Variants in ZFHX3 observed in about 807,000 individuals in gnomAD.
ZFHX3 encodes the protein zinc finger homeobox protein 3.
In ZFHX3, 42 loss-of-function variants were observed where a neutral mutation model predicts 279.1. The ratio of observed to expected loss-of-function variants is 0.15; its 90% CI spans 0.12 to 0.19. The LOEUF (loss-of-function observed/expected upper bound fraction) is 0.19. ZFHX3 is among the 10% of genes least tolerant of loss of function. The pLI is 1.00. For synonymous variants in ZFHX3, 2,293 were observed against 1,957.8 expected (o/e 1.17, Z -4.52); for missense variants, 4,981 against 4,754.0 (o/e 1.05, Z -1.40).
chr16:73,539,572 G>A (rs1018578862), intron 2 of ZFHX3, among the ~76,000 whole-genome samples: 1 of 150,464 alleles, frequency 6.6e-6, no homozygotes, highest in Non-Finnish European at 1.5e-5. Context: ...CAGCATGCCA[G>A]CAACACCGTG....
intron 3 of ZFHX3, among the ~76,000 whole-genome samples, chr16:72,925,669 G>A (rs964145095): frequency 4.6e-5 from 7 of 152,354 alleles, no homozygotes; most frequent in South Asian, 2.1e-4. Flanking sequence ...AGGAATGAAT[G>A]AAAGCAAATG....
intron 2 of ZFHX3, among the ~76,000 whole-genome samples, chr16:73,498,984 T>C (rs2143660838): frequency 6.6e-6 from 1 of 152,270 alleles, no homozygotes; most frequent in East Asian, 1.9e-4. Context: ...CCATAACCCA[T>C]TCCCCAAAAT....
At chr16:72,944,534 G>A (rs1167942974) in intron 3 of ZFHX3, among the ~76,000 whole-genome samples, 2 of 152,044 alleles carry the variant, frequency 1.3e-5, no homozygotes, top group East Asian at 3.9e-4. Context: ...AAAGGTCTCA[G>A]GTATTACACA....
intron 4 of ZFHX3, among the ~76,000 whole-genome samples, chr16:72,831,745 A>C (rs1465493816): frequency 5.9e-5 from 9 of 152,214 alleles, no homozygotes; most frequent in Non-Finnish European, 7.3e-5. Context: ...GCGGTCAATG[A>C]ATATTATTGC....
chr16:73,120,769 C>T (rs1328744644), intron 7 of ZFHX3, among the ~76,000 whole-genome samples: 1 of 150,660 alleles, frequency 6.6e-6, no homozygotes, highest in Admixed American at 6.6e-5. Flanking sequence ...ATTCTCCTAC[C>T]TCAACCTCCC....
At position 72,787,078 on chromosome 16, in the gene ZFHX3, G is replaced by T; in HGVS notation, c.*86C>A. 1.7e-6 allele frequency: 2 copies of T among 1,175,312 alleles called. No individual in the cohort carries two copies. The highest frequency in any genetic ancestry group is 2.2e-6 in the Non-Finnish European group (2 of 908,440). The allele number at this position is 1,175,312 out of a possible 1,614,324, so 72.8% of individuals were successfully genotyped here. A position where few individuals can be genotyped will look rare whatever the true frequency, so the allele number is the denominator to read the frequency against. ...TTTTGTTTTTTGGTTAGAAGCTTTGGAATTGCAGTTAGTCTATTTTTGAAA... is the reference window on the plus strand; with the variant it reads ...TTTTGTTTTTTGGTTAGAAGCTTTGTAATTGCAGTTAGTCTATTTTTGAAA... On this transcript the variant is annotated 3_prime_UTR_variant, in exon 10 of 10. Transcript: ENST00000268489.
intron 1 of ZFHX3, among the ~76,000 whole-genome samples, chr16:73,045,970 A>T (rs1032906305): frequency 1.3e-5 from 2 of 152,204 alleles, no homozygotes; most frequent in Admixed American, 6.5e-5. Flanking sequence ...ATTAAATAAA[A>T]GAGCCAACTG....
At chr16:73,141,986 C>T (rs564624853) in intron 6 of ZFHX3, among the ~76,000 whole-genome samples, 1 of 152,268 alleles carries the variant, frequency 6.6e-6, no homozygotes, top group Non-Finnish European at 1.5e-5. Flanking sequence ...TTCAACCAGC[C>T]CCTGTTGAGC....
chr16:73,646,091 A>AT (rs1156845709), intron 2 of ZFHX3, among the ~76,000 whole-genome samples: 1 of 152,218 alleles, frequency 6.6e-6, no homozygotes, highest in Non-Finnish European at 1.5e-5. Flanking sequence ...ATTGATCAAA[A>AT]TTTTCTCAGA....
intron 4 of ZFHX3, among the ~76,000 whole-genome samples, chr16:73,283,753 G>A (rs936989049): frequency 2.6e-5 from 4 of 152,164 alleles, no homozygotes; most frequent in Admixed American, 2.0e-4. Flanking sequence ...TTACCAGCCT[G>A]GGCAACATAG....
At chr16:73,448,921 C>T (rs941079038) in intron 3 of ZFHX3, among the ~76,000 whole-genome samples, 2 of 152,000 alleles carry the variant, frequency 1.3e-5, no homozygotes, top group Non-Finnish European at 2.9e-5. Flanking sequence ...TTAGATAAGC[C>T]ACAGTCTTTT....
intron 5 of ZFHX3, among the ~76,000 whole-genome samples, chr16:73,238,592 A>C (rs1382815229): frequency 6.6e-6 from 1 of 152,188 alleles, no homozygotes; most frequent in Non-Finnish European, 1.5e-5. Flanking sequence ...CCTTGCCCAC[A>C]ATGCCTTCTC....
At chr16:73,688,430 G>A (rs1188872472) in intron 1 of ZFHX3, among the ~76,000 whole-genome samples, 3 of 151,982 alleles carry the variant, frequency 2.0e-5, no homozygotes, top group East Asian at 1.9e-4. Context: ...GCCATTGAGA[G>A]GTGATTAGGT....
intron 8 of ZFHX3, among the ~76,000 whole-genome samples, chr16:73,076,612 A>C (rs942082220): frequency 6.6e-6 from 1 of 152,206 alleles, no homozygotes; most frequent in Non-Finnish European, 1.5e-5. Flanking sequence ...CTCACAGCCG[A>C]CTGTTTCCTA....
intron 4 of ZFHX3, among the ~76,000 whole-genome samples, chr16:72,842,610 A>G (rs1208449548): frequency 6.6e-6 from 1 of 152,182 alleles, no homozygotes; most frequent in Non-Finnish European, 1.5e-5. Context: ...TTCACTTACC[A>G]AGCAAAATCT....
At chr16:73,508,034 A>G (rs906663605) in intron 2 of ZFHX3, among the ~76,000 whole-genome samples, 1 of 152,206 alleles carries the variant, frequency 6.6e-6, no homozygotes, top group Non-Finnish European at 1.5e-5. Context: ...CGGTATTGAT[A>G]TAAGATGATT....
At chr16:73,130,612 A>G (rs1451654302) in intron 7 of ZFHX3, among the ~76,000 whole-genome samples, 1 of 152,094 alleles carries the variant, frequency 6.6e-6, no homozygotes, top group Non-Finnish European at 1.5e-5. Context: ...AAACAAAACA[A>G]TAGTTTGTTT....
intron 1 of ZFHX3, among the ~76,000 whole-genome samples, chr16:73,004,963 T>A (rs1196529228): frequency 6.6e-6 from 1 of 152,254 alleles, no homozygotes; most frequent in African/African-American, 2.4e-5. Flanking sequence ...TTCCGCCATT[T>A]GGCTATCTAA....
At chr16:73,359,956 T>G (rs1319454173) in intron 3 of ZFHX3, among the ~76,000 whole-genome samples, 2 of 152,104 alleles carry the variant, frequency 1.3e-5, no homozygotes, top group Admixed American at 1.3e-4. Context: ...AAGTAAGAAT[T>G]ACCCACCTGA....
Sources: allele counts gnomAD v4.1 joint callset (sites outside exome capture counted in the v4.1 genomes callset), GRCh38; gene constraint gnomAD v4.1.1; transcripts MANE v1.5; gene names NCBI Gene and HGNC (gene_info 2026-07-23, HGNC 2026-07-21).